TSPAN18: variants seen among roughly 807,000 people sequenced by gnomAD.
TSPAN18 encodes tetraspanin 18.
A neutral mutation model predicts 27.3 loss-of-function variants in TSPAN18; 14 were observed. The ratio of observed to expected loss-of-function variants is 0.51; its 90% confidence interval spans 0.34 to 0.80. The LOEUF is 0.80. Ranked by LOEUF, TSPAN18 falls within the 30% of genes least tolerant of loss-of-function variation. TSPAN18 has a pLI of 0.01. For missense variants in TSPAN18, 268 were observed against 323.9 expected (o/e 0.83, Z 1.32); for synonymous variants, 143 against 136.5 (o/e 1.05, Z -0.33).
intron 2 of TSPAN18, among the ~76,000 whole-genome samples, chr11:44,807,562 A>C (rs1302404701): frequency 6.6e-6 from 1 of 151,628 alleles, no homozygotes; most frequent in African/African-American, 2.4e-5. Context: ...GAAAAGAAAA[A>C]AGAATAGCAC....
intron 2 of TSPAN18, among the ~76,000 whole-genome samples, chr11:44,804,899 G>T (rs1430475243): frequency 1.3e-5 from 2 of 152,216 alleles, no homozygotes; most frequent in African/African-American, 4.8e-5. Context: ...CAGAAAAACA[G>T]AACAGGCTGT....
At chr11:44,884,768 G>A (rs778224426) in intron 3 of TSPAN18, among the ~76,000 whole-genome samples, 7 of 152,320 alleles carry the variant, frequency 4.6e-5, no homozygotes, top group Admixed American at 1.3e-4. Context: ...GGCTCAGAGA[G>A]GTGCAGAGAC....
intron 3 of TSPAN18, among the ~76,000 whole-genome samples, chr11:44,877,173 G>A (rs182529198): frequency 5.9e-4 from 90 of 152,382 alleles, no homozygotes; most frequent in African/African-American, 1.9e-3. Flanking sequence ...ACAGTCGAGG[G>A]GTCCCCATAA....
Position 44,929,313 on chromosome 11 carries a change from C to A in TSPAN18, c.*135C>A. ...CCATCAGAGATGGCCAGGAGAAGGG[C>A]CAGGGGAATAGAGCTATTTTTTTAA... is the stretch of plus-strand genomic sequence containing the variant. On this transcript the variant is annotated 3_prime_UTR_variant, in exon 10 of 10. Transcript: ENST00000520358. The A allele has an allele frequency of 9.4e-7, 1 of 1,065,676 alleles. No individual in the cohort carries two copies. The allele number at this position is 1,065,676 out of a possible 1,614,324, so 66.0% of individuals were successfully genotyped here.
intron 1 of TSPAN18, among the ~76,000 whole-genome samples, chr11:44,740,805 A>G (rs1854914908): frequency 6.6e-6 from 1 of 152,098 alleles, no homozygotes; most frequent in African/African-American, 2.4e-5. Flanking sequence ...TTCTGTTTTG[A>G]GATGGAGTCT....
intron 2 of TSPAN18, among the ~76,000 whole-genome samples, chr11:44,791,213 C>T (rs866033772): frequency 7.9e-5 from 12 of 152,276 alleles, no homozygotes; most frequent in Admixed American, 2.0e-4. Context: ...GGGGCAGGGG[C>T]ATCACCAGTG....
chr11:44,898,731 C>A (rs1029669532), intron 3 of TSPAN18, among the ~76,000 whole-genome samples: 1 of 152,194 alleles, frequency 6.6e-6, no homozygotes, highest in African/African-American at 2.4e-5. Context: ...GGATGACCAA[C>A]CCACTCCTGT....
chr11:44,749,478 T>A (rs1329495509), intron 1 of TSPAN18, among the ~76,000 whole-genome samples: 1 of 152,184 alleles, frequency 6.6e-6, no homozygotes, highest in African/African-American at 2.4e-5. Context: ...CCAAGTGACA[T>A]TGCACAAGGG....
intron 2 of TSPAN18, among the ~76,000 whole-genome samples, chr11:44,851,002 A>T (rs12223563): frequency 0.086 from 13,119 of 152,276 alleles, 1,763 homozygotes; most frequent in East Asian, 0.55. Flanking sequence ...GATCTGCTCC[A>T]GGACACACAG....
rs111763241 is a variant in TSPAN18 at position 44,918,426 on chromosome 11, C to T, written c.333+380C>T. 3.9e-3 allele frequency among the ~76,000 whole-genome samples: 588 copies of T among 152,178 alleles called. 7 individuals are homozygous for T. Among genetic ancestry groups the T allele is most frequent in the African/African-American group, 0.013 (552 of 41,510 alleles). ...CGGAGGAGGCCCTGGCTGGTATCCTCCTGGGTACCTTGGCCCCACAAGCCA... is the reference window on the plus strand; with the variant it reads ...CGGAGGAGGCCCTGGCTGGTATCCTTCTGGGTACCTTGGCCCCACAAGCCA... On this transcript the variant is annotated intron_variant, in intron 6 of 9. Coordinates refer to ENST00000520358, the MANE Select transcript of TSPAN18 (RefSeq NM_130783.5).
At chr11:44,908,744 A>G (rs917950067) in intron 4 of TSPAN18, among the ~76,000 whole-genome samples, 13 of 90,540 alleles carry the variant, frequency 1.4e-4, no homozygotes, top group East Asian at 7.1e-4. Flanking sequence ...AAAAGAAAGA[A>G]AGAGAGAGAG....
intron 2 of TSPAN18, among the ~76,000 whole-genome samples, chr11:44,818,577 G>A (rs1328082773): frequency 2.0e-5 from 3 of 152,194 alleles, no homozygotes; most frequent in Admixed American, 6.5e-5. Context: ...ACTTCACTCC[G>A]GGAAGAGCTA....
chr11:44,850,114 A>G (rs1168698620), intron 2 of TSPAN18, among the ~76,000 whole-genome samples: 1 of 152,186 alleles, frequency 6.6e-6, no homozygotes, highest in Non-Finnish European at 1.5e-5. Context: ...CCCTTCCTCC[A>G]GAAATGAGAA....
intron 3 of TSPAN18, among the ~76,000 whole-genome samples, chr11:44,871,545 C>G (rs1451313706): frequency 6.6e-6 from 1 of 152,162 alleles, no homozygotes; most frequent in Non-Finnish European, 1.5e-5. Context: ...GCTTGATTAC[C>G]TCCAAAGACA....
At position 44,908,771 on chromosome 11, in the gene TSPAN18, G is replaced by GAAAGA. The variant is rs1554938053; in HGVS notation, c.64-931_64-927dup. On this transcript the variant is annotated intron_variant, in intron 4 of 9. Transcript: ENST00000520358. ...GAGAGAGAGAGAGAGAGAGAAAGGA[G>GAAAGA]AAAGAAAGAAAGAAAGAAAGAAAGA... is the stretch of plus-strand genomic sequence containing the variant. 3.4e-4 allele frequency among the ~76,000 whole-genome samples: 9 copies of GAAAGA among 26,246 alleles called. 1 individual carries two copies. Among genetic ancestry groups the GAAAGA allele is most frequent in the Non-Finnish European group, 5.6e-4 (8 of 14,372 alleles). The allele number at this position is 26,246 out of a possible 152,430, so 17.2% of individuals were successfully genotyped here.
chr11:44,894,711 A>C (rs576658300), intron 3 of TSPAN18, among the ~76,000 whole-genome samples: 3 of 152,308 alleles, frequency 2.0e-5, no homozygotes, highest in African/African-American at 7.2e-5. Context: ...CCATCTGTCA[A>C]GGGATGGCCG....
At chr11:44,906,771 G>A (rs540107794) in intron 4 of TSPAN18, among the ~76,000 whole-genome samples, 5 of 152,310 alleles carry the variant, frequency 3.3e-5, no homozygotes, top group African/African-American at 1.2e-4. Flanking sequence ...CTGACCCCTC[G>A]TGGAGAGTGG....
chr11:44,819,091 G>T (rs1440475955), intron 2 of TSPAN18, among the ~76,000 whole-genome samples: 1 of 152,220 alleles, frequency 6.6e-6, no homozygotes, highest in East Asian at 1.9e-4. Context: ...CTGGTGTGCG[G>T]ATGTGGAGCT....
At chr11:44,878,678 C>CT (rs1858407650) in intron 3 of TSPAN18, among the ~76,000 whole-genome samples, 1 of 152,180 alleles carries the variant, frequency 6.6e-6, no homozygotes, top group Non-Finnish European at 1.5e-5. Context: ...ATCACACCTA[C>CT]TTTTTTATTT....
Sources: allele counts gnomAD v4.1 joint callset (sites outside exome capture counted in the v4.1 genomes callset), GRCh38; gene constraint gnomAD v4.1.1; transcripts MANE v1.5; gene names NCBI Gene and HGNC (gene_info 2026-07-23, HGNC 2026-07-21).